SNTG1: variants seen among roughly 807,000 people sequenced by gnomAD.
The protein encoded by SNTG1 is gamma-1-syntrophin.
Under a neutral mutation model 74.7 loss-of-function variants are expected in SNTG1, and 39 were observed. The observed-to-expected ratio is 0.52, with a 90% CI of 0.40 to 0.68. SNTG1 has a LOEUF of 0.68. Among genes scored for constraint, SNTG1 ranks in the 30% least tolerant of loss-of-function variants. The pLI is 0.00. For missense variants in SNTG1, 685 were observed against 609.5 expected (o/e 1.12, Z -1.30); for synonymous variants, 254 against 217.1 (o/e 1.17, Z -1.49).
intron 2 of SNTG1, among the ~76,000 whole-genome samples, chr8:50,375,941 T>C (rs1419925722): frequency 6.6e-6 from 1 of 152,186 alleles, no homozygotes; most frequent in Non-Finnish European, 1.5e-5. Context: ...AAAAGGACTT[T>C]GAATCTCTAT....
At chr8:50,238,763 C>T (rs1205870669) in intron 2 of SNTG1, among the ~76,000 whole-genome samples, 1 of 152,080 alleles carries the variant, frequency 6.6e-6, no homozygotes, top group East Asian at 1.9e-4. Flanking sequence ...GTCTGATATC[C>T]AAAATGTACA....
intron 2 of SNTG1, among the ~76,000 whole-genome samples, chr8:50,196,501 A>ATC (rs771654448): frequency 9.2e-5 from 14 of 151,940 alleles, no homozygotes; most frequent in South Asian, 2.1e-4. Flanking sequence ...TGGTTGAAGG[A>ATC]TCTCTCTCTC....
chr8:50,311,517 C>T (rs376905438), intron 2 of SNTG1, among the ~76,000 whole-genome samples: 29 of 152,226 alleles, frequency 1.9e-4, no homozygotes, highest in African/African-American at 5.5e-4. Flanking sequence ...CCTAGGGTTA[C>T]GAATCATCTT....
At chr8:50,197,778 T>G (rs900906807) in intron 2 of SNTG1, among the ~76,000 whole-genome samples, 3 of 152,164 alleles carry the variant, frequency 2.0e-5, no homozygotes, top group Non-Finnish European at 4.4e-5. Flanking sequence ...AGGTACACAG[T>G]TTTATCATTT....
At chr8:50,651,546 C>T (rs995342487) in intron 13 of SNTG1, among the ~76,000 whole-genome samples, 1 of 151,942 alleles carries the variant, frequency 6.6e-6, no homozygotes, top group South Asian at 2.1e-4. Context: ...CAACCTCCAC[C>T]GCCCAGGTTC....
intron 1 of SNTG1, among the ~76,000 whole-genome samples, chr8:49,997,484 C>T (rs1233224811): frequency 6.6e-6 from 1 of 152,112 alleles, no homozygotes; most frequent in Non-Finnish European, 1.5e-5. Flanking sequence ...TCCTTCCCTC[C>T]TTTATTTCAC....
chr8:50,774,261 G>T (rs916002543), intron 18 of SNTG1, among the ~76,000 whole-genome samples: 2 of 151,820 alleles, frequency 1.3e-5, no homozygotes, highest in Admixed American at 1.3e-4. Flanking sequence ...ATACATATTT[G>T]AAGAGCTCAG....
At chr8:50,684,832 A>G (rs1022814394) in intron 15 of SNTG1, among the ~76,000 whole-genome samples, 7 of 149,584 alleles carry the variant, frequency 4.7e-5, no homozygotes, top group Admixed American at 3.4e-4. Flanking sequence ...GGTGCGCTGC[A>G]CCCACTAACT....
rs1418422303 is a variant in SNTG1, at chr8:50,427,021, A to G, written c.163-11522A>G. 3.3e-5 allele frequency among the ~76,000 whole-genome samples: 5 copies of G among 152,278 alleles called. No individual in the cohort carries two copies. The East Asian group carries it at 5.8e-4, about 18-fold the overall frequency. ...ACATGTAAATACTATGCCATCTTATATGAGGGACTTGAGCATCTGAAGATT... is the reference window on the plus strand; with the variant it reads ...ACATGTAAATACTATGCCATCTTATGTGAGGGACTTGAGCATCTGAAGATT... On this transcript the variant is annotated intron_variant, in intron 4 of 18. Coordinates refer to ENST00000642720, the MANE Select transcript of SNTG1 (RefSeq NM_018967.5).
At chr8:50,731,854 T>C (rs1198987610) in intron 17 of SNTG1, among the ~76,000 whole-genome samples, 1 of 152,090 alleles carries the variant, frequency 6.6e-6, no homozygotes, top group Non-Finnish European at 1.5e-5. Flanking sequence ...ACTTTATAAC[T>C]TTCATTGACA....
intron 2 of SNTG1, among the ~76,000 whole-genome samples, chr8:50,202,275 A>G (rs1300425356): frequency 1.3e-5 from 2 of 152,122 alleles, no homozygotes; most frequent in African/African-American, 4.8e-5. Context: ...AGGGCCATGT[A>G]TCCACAATTA....
chr8:50,579,685 C>T (rs1201364012), intron 12 of SNTG1, among the ~76,000 whole-genome samples: 2 of 152,196 alleles, frequency 1.3e-5, no homozygotes, highest in Admixed American at 6.5e-5. Context: ...GCAGTTCAGG[C>T]CGTTGCTTCA....
intron 18 of SNTG1, among the ~76,000 whole-genome samples, chr8:50,788,045 G>C (rs1348940031): frequency 6.6e-6 from 1 of 151,944 alleles, no homozygotes; most frequent in Non-Finnish European, 1.5e-5. Flanking sequence ...ACACATAAAG[G>C]GGATGTCAAG....
chr8:50,026,272 G>C (rs180962750), intron 1 of SNTG1, among the ~76,000 whole-genome samples: 248 of 152,300 alleles, frequency 1.6e-3, no homozygotes, highest in Middle Eastern at 3.4e-3. Flanking sequence ...GAAATGTGCA[G>C]AGGGTAGTGG....
chr8:49,963,419 C>T (rs767950280), intron 1 of SNTG1, among the ~76,000 whole-genome samples: 2 of 152,182 alleles, frequency 1.3e-5, no homozygotes, highest in South Asian at 2.1e-4. Flanking sequence ...CATTTTCATA[C>T]TGCTGTTTCA....
At chr8:50,305,049 C>A (rs7830244) in intron 2 of SNTG1, among the ~76,000 whole-genome samples, 2 of 151,888 alleles carry the variant, frequency 1.3e-5, no homozygotes, top group Non-Finnish European at 1.5e-5. Context: ...ATTACAGGTG[C>A]GGACCACTAC....
chr8:50,019,337 T>TATAAACAGAAG (rs1816618778), intron 1 of SNTG1, among the ~76,000 whole-genome samples: 4 of 152,172 alleles, frequency 2.6e-5, no homozygotes, highest in African/African-American at 9.6e-5. Context: ...GAGAGTGGTT[T>TATAAACAGAAG]TCAGGGACAG....
At chr8:50,442,889 C>T (rs2131588858) in intron 5 of SNTG1, among the ~76,000 whole-genome samples, 1 of 152,294 alleles carries the variant, frequency 6.6e-6, no homozygotes, top group African/African-American at 2.4e-5. Context: ...GCATCCTGCA[C>T]ATGGCCTCGG....
At chr8:50,671,956 A>G (rs2095285483) in intron 15 of SNTG1, among the ~76,000 whole-genome samples, 2 of 148,184 alleles carry the variant, frequency 1.3e-5, no homozygotes, top group South Asian at 4.4e-4. Flanking sequence ...AAAAAACTAA[A>G]CACCACATGT....
Sources: gnomAD v4.1 joint callset for allele counts (sites outside exome capture counted in the v4.1 genomes callset) on GRCh38, gnomAD v4.1.1 for gene constraint, MANE v1.5 for transcripts, NCBI Gene and HGNC (gene_info 2026-07-23, HGNC 2026-07-21) for gene names.